The following NKD1 variants were observed in gnomAD, a reference collection of about 807,000 sequenced individuals.
NKD1 encodes protein naked cuticle homolog 1.
NKD1 carries 21 observed loss-of-function variants against 56.0 expected under a neutral mutation model. The observed-to-expected ratio is 0.38, with a 90% CI of 0.27 to 0.54. The LOEUF (loss-of-function observed/expected upper bound fraction) is 0.54, where lower values mean the gene tolerates loss of function less well. Among genes scored for constraint, NKD1 ranks in the 20% least tolerant of loss-of-function variants. NKD1 has a pLI of 0.82. For synonymous variants in NKD1, 263 were observed against 265.7 expected (o/e 0.99, Z 0.10); for missense variants, 578 against 642.7 (o/e 0.90, Z 1.09).
chr16:50,568,102 G>A (rs2151265874), intron 3 of NKD1, among the ~76,000 whole-genome samples: 1 of 152,356 alleles, frequency 6.6e-6, no homozygotes, highest in East Asian at 1.9e-4. Flanking sequence ...TTCTTGGATG[G>A]GCCCTTTGAG....
chr16:50,584,751 G>T (rs556952200), intron 3 of NKD1, among the ~76,000 whole-genome samples: 1 of 152,220 alleles, frequency 6.6e-6, no homozygotes, highest in Non-Finnish European at 1.5e-5. Flanking sequence ...GGGCTGTTTG[G>T]TTTCTTTCCC....
intron 5 of NKD1, 78 bp from the exon 6 acceptor site, chr16:50,625,407 C>A: frequency 9.6e-7 from 1 of 1,041,930 alleles, no homozygotes; most frequent in Non-Finnish European, 1.5e-6. Flanking sequence ...TTGGCCTGGC[C>A]TCTAGGCCCA....
At chr16:50,562,332 A>G in intron 3 of NKD1, 1 of 930,954 alleles carries the variant, frequency 1.1e-6, no homozygotes, top group Non-Finnish European at 1.3e-6. Context: ...GCATAGAGAA[A>G]GATCTGGAAG....
In NKD1 at chr16:50,633,335, AC is replaced by A; in HGVS notation, c.971del (p.Pro324GlnfsTer23). The A allele has an allele frequency of 6.2e-7, 1 of 1,613,846 alleles. No individual in the cohort carries two copies. The highest frequency in any genetic ancestry group is 1.1e-5 in the South Asian group (1 of 91,054). Reference protein sequence around the residue: ...VDPASFHFLDTPIAKVSELQQ... With the variant: ...VDPASFHFLDXPIAKVSELQQ... ...CCCGGCCTCCTTCCACTTCCTTGAC[AC>A]CCCAATCGCCAAGGTCTCAGAGCTC... On this transcript the variant is annotated frameshift_variant, in exon 10 of 10. Coordinates refer to ENST00000268459, the MANE Select transcript of NKD1 (RefSeq NM_033119.5). LOFTEE classifies it high-confidence loss of function. The surrounding 1 kb of genome is among the most constrained non-coding windows in gnomAD (Gnocchi z 4.9).
chr16:50,631,307 A>G (rs1225395923), intron 8 of NKD1, among the ~76,000 whole-genome samples: 1 of 152,194 alleles, frequency 6.6e-6, no homozygotes, highest in African/African-American at 2.4e-5. Flanking sequence ...CTTAGTTTTC[A>G]GGCTTTTTGG....
At chr16:50,594,433 G>A (rs1446283355) in intron 3 of NKD1, among the ~76,000 whole-genome samples, 1 of 152,226 alleles carries the variant, frequency 6.6e-6, no homozygotes, top group Admixed American at 6.5e-5. Context: ...TGAGGTCAGG[G>A]ACTGCAGAAA....
intron 4 of NKD1, among the ~76,000 whole-genome samples, chr16:50,612,581 G>A (rs541924120): frequency 6.6e-6 from 1 of 152,340 alleles, no homozygotes; most frequent in African/African-American, 2.4e-5. Flanking sequence ...TCTCTGCTAA[G>A]ACGTAAAACC....
chr16:50,625,362 A>G (rs2151279714), intron 5 of NKD1, 123 bp from the exon 6 acceptor site: 2 of 709,102 alleles, frequency 2.8e-6, no homozygotes, highest in East Asian at 5.1e-5. Flanking sequence ...TGTCCACTCA[A>G]GGTCTGGGGA....
At position 50,571,022 on chromosome 16, in the gene NKD1, C is replaced by T. The variant is rs528880739; in HGVS notation, c.192+21467C>T. The T allele has an allele frequency of 7.2e-5, 71 of 983,548 alleles. 1 individual carries two copies. The African/African-American group carries it at 1.2e-3, about 16-fold the overall frequency. 60.9% of individuals were successfully genotyped at this position (983,548 alleles called of 1,614,324 possible). A position where few individuals can be genotyped will look rare whatever the true frequency, so the allele number is the denominator to read the frequency against. ...GACCCTCCTGGGTGTGCACCTGTCC[C>T]GCTGTCAGGGCCAGGCTGTGCTGGA... On this transcript the variant is annotated intron_variant, in intron 3 of 9. Transcript: ENST00000268459.
intron 3 of NKD1, among the ~76,000 whole-genome samples, chr16:50,577,252 G>C (rs893187573): frequency 2.0e-5 from 3 of 152,116 alleles, no homozygotes; most frequent in Non-Finnish European, 4.4e-5. Flanking sequence ...TTGGGTGGGT[G>C]GGTAGAGTAT....
intron 3 of NKD1, among the ~76,000 whole-genome samples, chr16:50,562,076 A>G (rs189971819): frequency 7.3e-4 from 111 of 152,358 alleles, no homozygotes; most frequent in African/African-American, 2.5e-3. Context: ...ATTTGGAAGA[A>G]TGAAAAGTTT....
intron 3 of NKD1, among the ~76,000 whole-genome samples, chr16:50,579,619 G>A (rs1298782983): frequency 2.3e-5 from 3 of 129,760 alleles, no homozygotes; most frequent in Non-Finnish European, 4.8e-5. Context: ...ACTCTAACCC[G>A]CCACGCATGC....
At position 50,633,652 on chromosome 16, in the gene NKD1, G is replaced by T; in HGVS notation, c.1284G>T (p.Gly428=). Residue 428 remains glycine, a synonymous_variant, in exon 10 of 10, where the codon GGG becomes GGT. Coordinates refer to ENST00000268459, the MANE Select transcript of NKD1 (RefSeq NM_033119.5). This position sits in a 1 kb window ranked among gnomAD's most constrained non-coding sequence, Gnocchi z 4.9. ...APLASGGPVL[G]REHLRELPAL... is the part of the protein sequence containing the mutation. ...TGGCCTCAGGTGGCCCTGTCCTGGG[G>T]CGGGAGCACCTGCGGGAGCTGCCCG... is the stretch of plus-strand genomic sequence containing the variant. The T allele has an allele frequency of 6.2e-7, 1 of 1,606,118 alleles. No individual in the cohort carries two copies. Among genetic ancestry groups the T allele is most frequent in the Non-Finnish European group, 8.5e-7 (1 of 1,176,926 alleles).
rs1055590534 is a variant in NKD1, at chr16:50,575,469, T to C, written c.192+25914T>C. The C allele has an allele frequency of 1.6e-5, 8 of 491,636 alleles. No homozygotes were observed. In the Admixed American group the frequency reaches 1.9e-4, roughly 12 times the overall value. The allele number at this position is 491,636 out of a possible 1,614,324, so 30.5% of individuals were successfully genotyped here. ...GGATTTGAAGAGCCCCTTTGACAGG[T>C]GATCTTGTGGCAATATTCCCCCCAG... On this transcript the variant is annotated intron_variant, in intron 3 of 9. Transcript: ENST00000268459.
At chr16:50,610,371 G>T (rs565278189) in intron 4 of NKD1, among the ~76,000 whole-genome samples, 1 of 152,330 alleles carries the variant, frequency 6.6e-6, no homozygotes, top group East Asian at 1.9e-4. Context: ...CCTGGGCCCA[G>T]TGACCATCTG....
chr16:50,569,391 G>C (rs1960835286), intron 3 of NKD1, among the ~76,000 whole-genome samples: 1 of 152,074 alleles, frequency 6.6e-6, no homozygotes, highest in African/African-American at 2.4e-5. Context: ...TTTATCCTTG[G>C]CTCTCTGCTT....
chr16:50,632,292 A>G lies in NKD1; in HGVS notation c.707A>G (p.Asp236Gly). The G allele has an allele frequency of 1.2e-6, 2 of 1,614,134 alleles. No individual in the cohort carries two copies. Among genetic ancestry groups the G allele is most frequent in the Non-Finnish European group, 1.7e-6 (2 of 1,179,954 alleles). ...KQRAPLRFQGDSRLEQSGCYH... is the reference protein window; with the variant it reads ...KQRAPLRFQGGSRLEQSGCYH... ...CTCCCCTGCCGTAGGTTCCAGGGTG[A>G]CAGCCGCCTGGAGCAGTCTGGCTGC... Residue 236 changes from aspartate to glycine, a missense_variant, in exon 9 of 10, where the codon GAC becomes GGC. Asp to Gly is a moderately conservative substitution (Grantham distance 94). Transcript: ENST00000268459. This position sits in a 1 kb window ranked among gnomAD's most constrained non-coding sequence, Gnocchi z 4.1.
At chr16:50,603,308 C>T (rs747295610) in intron 3 of NKD1, among the ~76,000 whole-genome samples, 8 of 152,178 alleles carry the variant, frequency 5.3e-5, no homozygotes, top group Non-Finnish European at 8.8e-5. Context: ...TCCTGCCTCC[C>T]GAGAGGGGAC....
intron 3 of NKD1, among the ~76,000 whole-genome samples, chr16:50,551,494 G>T (rs1156231636): frequency 6.6e-6 from 1 of 152,254 alleles, no homozygotes; most frequent in Non-Finnish European, 1.5e-5. Flanking sequence ...AAGTTGTTAT[G>T]CAGGGGGCCG....
Sources: gnomAD v4.1 joint callset for allele counts (sites outside exome capture counted in the v4.1 genomes callset) on GRCh38, gnomAD v4.1.1 for gene constraint, Gnocchi (gnomAD v3.1) non-coding constraint, MANE v1.5 for transcripts, NCBI Gene and HGNC (gene_info 2026-07-23, HGNC 2026-07-21) for gene names.